The following CFAP221 variants were observed in gnomAD, a reference collection of about 807,000 sequenced individuals.
CFAP221 encodes the protein cilia- and flagella-associated protein 221.
A neutral mutation model predicts 113.1 loss-of-function variants in CFAP221; 97 were observed. That is an observed-to-expected ratio of 0.86 (90% CI 0.73 to 1.02). CFAP221 has a LOEUF of 1.02. CFAP221 is among the 50% of genes least tolerant of loss of function. The pLI is 0.00. For missense variants in CFAP221, 1,025 were observed against 1,013.4 expected, an observed-to-expected ratio of 1.01 and a Z score of -0.16; for synonymous variants, 331 against 354.4, an observed-to-expected ratio of 0.93 and a Z score of 0.74.
chr2:119,550,721 C>T (rs945110491), intron 3 of CFAP221, among the ~76,000 whole-genome samples: 4 of 152,122 alleles, frequency 2.6e-5, no homozygotes, highest in Non-Finnish European at 5.9e-5. Flanking sequence ...TGCTTTCTTT[C>T]TTTTCTTACT....
chr2:119,630,552 ATCT>A lies in CFAP221; in HGVS notation c.1732-13_1732-11del, dbSNP rs1686692789. 1.9e-6 allele frequency: 3 copies of A among 1,564,476 alleles called. No homozygotes were observed. In the South Asian group the frequency reaches 3.4e-5, roughly 18 times the overall value. ...GGTAACAGGTTTTTAAGGATTTTCA[ATCT>A]TCTTTCACCTTCAGGTTCCTCAACT... On this transcript the variant is annotated splice_polypyrimidine_tract_variant and intron_variant, in intron 17 of 23. Coordinates refer to ENST00000413369, the MANE Select transcript of CFAP221 (RefSeq NM_001271049.2).
At chr2:119,658,622 C>T (rs559766843), downstream of CFAP221, among the ~76,000 whole-genome samples, 75 of 137,274 alleles carry the variant, frequency 5.5e-4, 1 homozygote, top group East Asian at 0.013. Context: ...TCAACACGCA[C>T]ACACACACAC....
intron 21 of CFAP221, 126 bp from the exon 22 acceptor site, chr2:119,646,832 G>A: frequency 5.5e-6 from 4 of 725,362 alleles, no homozygotes; most frequent in African/African-American, 1.8e-5. Context: ...CTTTTCAAGA[G>A]TGAGGGAGGA....
intron 16 of CFAP221, among the ~76,000 whole-genome samples, chr2:119,628,013 C>A (rs1686460323): frequency 6.6e-6 from 1 of 152,150 alleles, no homozygotes; most frequent in South Asian, 2.1e-4. Context: ...TGGGTCCTTC[C>A]CAGCCTGAAA....
chr2:119,625,445 A>G, intron 14 of CFAP221, 138 bp from the exon 15 acceptor site: 2 of 703,394 alleles, frequency 2.8e-6, no homozygotes, highest in Non-Finnish European at 4.8e-6. Context: ...GGAGAGTAGC[A>G]TGCCACACTC....
chr2:119,649,519 G>A (rs1687997495), intron 22 of CFAP221, among the ~76,000 whole-genome samples: 1 of 152,194 alleles, frequency 6.6e-6, no homozygotes, highest in Non-Finnish European at 1.5e-5. Flanking sequence ...GTCAGGCAAA[G>A]CAGATGTATG....
intron 6 of CFAP221, among the ~76,000 whole-genome samples, chr2:119,571,958 C>T (rs542179570): frequency 3.0e-5 from 3 of 100,540 alleles, no homozygotes; most frequent in African/African-American, 1.3e-4. Flanking sequence ...TTTGGGGTTG[C>T]CCCTTACTTT....
intron 14 of CFAP221, among the ~76,000 whole-genome samples, chr2:119,616,651 C>G (rs1030059559): frequency 2.6e-5 from 4 of 152,176 alleles, no homozygotes; most frequent in African/African-American, 9.6e-5. Flanking sequence ...CAGCCACTGT[C>G]CTCTCGTTGT....
chr2:119,580,048 C>T (rs567541536), intron 6 of CFAP221: 1 of 152,306 alleles, frequency 6.6e-6, no homozygotes, highest in East Asian at 1.9e-4. Context: ...GTCAGAAATA[C>T]CTCACACGCA....
chr2:119,579,676 T>C (rs938835457), intron 6 of CFAP221, among the ~76,000 whole-genome samples: 5 of 152,222 alleles, frequency 3.3e-5, no homozygotes, highest in African/African-American at 1.2e-4. Flanking sequence ...GACTGGCTAA[T>C]GCATCAGGAA....
At chr2:119,558,788 C>CT (rs1681009593) in intron 3 of CFAP221, among the ~76,000 whole-genome samples, 1 of 152,186 alleles carries the variant, frequency 6.6e-6, no homozygotes. Context: ...TGCCACTGCA[C>CT]TGCAGCCCGA....
intron 22 of CFAP221, among the ~76,000 whole-genome samples, chr2:119,649,937 A>G (rs1688028589): frequency 6.6e-6 from 1 of 152,182 alleles, no homozygotes; most frequent in African/African-American, 2.4e-5. Context: ...TTCATTCTTA[A>G]CACATAAAAA....
intron 6 of CFAP221, among the ~76,000 whole-genome samples, chr2:119,564,308 C>A (rs1324283133): frequency 2.6e-5 from 4 of 152,162 alleles, no homozygotes; most frequent in African/African-American, 9.6e-5. Context: ...CTCCTCTCTG[C>A]CCCCTCCAGA....
chr2:119,656,373 A>G lies in CFAP221; in HGVS notation c.2426A>G (p.Asp809Gly). The G allele has an allele frequency of 6.2e-7, 1 of 1,614,044 alleles. No individual in the cohort carries two copies. Among genetic ancestry groups the G allele is most frequent in the Non-Finnish European group, 8.5e-7 (1 of 1,179,962 alleles). The change falls in exon 24 of 24, where the codon GAT becomes GGT. Residue 809 changes from aspartate (D) to glycine (G), a missense_variant. Asp to Gly is a moderately conservative substitution (Grantham distance 94). Coordinates refer to ENST00000413369, the MANE Select transcript of CFAP221 (RefSeq NM_001271049.2). The stretch of plus-strand genomic sequence containing the variant: ...TTTTTGATACTCAGAGAAGTGAAAG[A>G]TCAAGCACAACCAGCAGAGAAGGCC... ...KDIRKEKEVK[D>G]QAQPAEKAGE...
At chr2:119,550,485 C>T (rs868844826) in intron 3 of CFAP221, among the ~76,000 whole-genome samples, 8 of 152,156 alleles carry the variant, frequency 5.3e-5, no homozygotes, top group Non-Finnish European at 1.0e-4. Context: ...ATTTGAAACT[C>T]TTATTAGGAA....
chr2:119,585,732 G>GA (rs1277775596), intron 6 of CFAP221, among the ~76,000 whole-genome samples: 4 of 152,186 alleles, frequency 2.6e-5, no homozygotes, highest in African/African-American at 9.6e-5. Flanking sequence ...AATTGCTACT[G>GA]AAAAAAGGGT....
At chr2:119,596,142 G>A (rs886943471) in intron 7 of CFAP221, among the ~76,000 whole-genome samples, 10 of 152,122 alleles carry the variant, frequency 6.6e-5, no homozygotes, top group Non-Finnish European at 1.2e-4. Flanking sequence ...AAGTCTCTTT[G>A]GCTCCTGAGG....
At chr2:119,583,834 C>T (rs185439273) in intron 6 of CFAP221, among the ~76,000 whole-genome samples, 3 of 152,272 alleles carry the variant, frequency 2.0e-5, no homozygotes, top group East Asian at 1.9e-4. Flanking sequence ...TTCCATTATG[C>T]GAAGACACAG....
chr2:119,596,950 CT>C (rs1684023456), intron 7 of CFAP221, among the ~76,000 whole-genome samples: 1 of 152,222 alleles, frequency 6.6e-6, no homozygotes, highest in South Asian at 2.1e-4. Flanking sequence ...AGACCTAGTG[CT>C]TTGGGACGCT....
Sources: gnomAD v4.1 joint callset for allele counts (sites outside exome capture counted in the v4.1 genomes callset) on GRCh38, gnomAD v4.1.1 for gene constraint, MANE v1.5 for transcripts, NCBI Gene and HGNC (gene_info 2026-07-23, HGNC 2026-07-21) for gene names.